Variants in SLC24A3 observed in about 807,000 individuals in gnomAD.
SLC24A3 encodes sodium/potassium/calcium exchanger 3.
In SLC24A3, 28 loss-of-function variants were observed where a neutral mutation model predicts 75.8. The ratio of observed to expected loss-of-function variants is 0.37; its 90% CI spans 0.27 to 0.51. The LOEUF (loss-of-function observed/expected upper bound fraction) is 0.51, where lower values mean the gene tolerates loss of function less well. SLC24A3 is among the 20% of genes least tolerant of loss of function. The pLI, the probability that SLC24A3 is intolerant of heterozygous loss-of-function variation, is 0.94. For synonymous variants in SLC24A3, 372 were observed against 334.1 expected, an observed-to-expected ratio of 1.11 and a Z score of -1.24; for missense variants, 663 against 847.8, an observed-to-expected ratio of 0.78 and a Z score of 2.71.
Position 19,281,037 on chromosome 20 carries a change from T to A in SLC24A3, c.221T>A (p.Leu74Gln). 2 of 1,614,160 alleles carry A rather than the reference T, an allele frequency of 1.2e-6. No individual in the cohort carries two copies. The highest frequency in any genetic ancestry group is 1.7e-6 in the Non-Finnish European group (2 of 1,180,014). ...AAGCTGATGCAGGTGAACGACACTC[T>A]GACTTCCGAAGATGCCGGACTCCGG... ...ARKLMQVNDTLTSEDAGLRNS... is the reference protein window; with the variant it reads ...ARKLMQVNDTQTSEDAGLRNS... The change falls in exon 2 of 17, where the codon CTG (leucine) becomes CAG (glutamine). Residue 74 changes from leucine (L) to glutamine (Q), a missense_variant. Physicochemically the swap from Leu to Gln is moderately radical, Grantham distance 113 (BLOSUM62 -2). Transcript: ENST00000328041.
chr20:19,503,621 T>C (rs1988418843), intron 2 of SLC24A3, among the ~76,000 whole-genome samples: 1 of 152,252 alleles, frequency 6.6e-6, no homozygotes, highest in Non-Finnish European at 1.5e-5. Flanking sequence ...ATCTGCATTT[T>C]CCCCTTAAGG....
chr20:19,594,056 G>A (rs1339118473), intron 6 of SLC24A3, among the ~76,000 whole-genome samples: 1 of 152,340 alleles, frequency 6.6e-6, no homozygotes, highest in Non-Finnish European at 1.5e-5. Flanking sequence ...CACCAAGTGA[G>A]GGGAGGCGAA....
chr20:19,600,106 A>C (rs903515022), intron 6 of SLC24A3, among the ~76,000 whole-genome samples: 5 of 152,176 alleles, frequency 3.3e-5, no homozygotes, highest in African/African-American at 1.2e-4. Flanking sequence ...CTCTTGGTAC[A>C]GAGTTGAGAA....
chr20:19,610,489 A>G (rs1208876346), intron 6 of SLC24A3, among the ~76,000 whole-genome samples: 1 of 152,230 alleles, frequency 6.6e-6, no homozygotes, highest in Non-Finnish European at 1.5e-5. Flanking sequence ...ATTGACAAGA[A>G]TCTAGGGATA....
intron 3 of SLC24A3, among the ~76,000 whole-genome samples, chr20:19,540,547 T>TC (rs2030477517): frequency 6.6e-6 from 1 of 152,058 alleles, no homozygotes; most frequent in Non-Finnish European, 1.5e-5. Context: ...TAACACCCAC[T>TC]CCCCTGCATC....
chr20:19,629,952 CAA>C (rs1204971194), intron 6 of SLC24A3, among the ~76,000 whole-genome samples: 1 of 152,056 alleles, frequency 6.6e-6, no homozygotes, highest in East Asian at 1.9e-4. Context: ...CAAAAGTATA[CAA>C]AAATATGAAG....
chr20:19,452,376 A>ATGTGTG (rs34840970), intron 2 of SLC24A3, among the ~76,000 whole-genome samples: 15,294 of 112,650 alleles, frequency 0.14, 1,364 homozygotes, highest in East Asian at 0.22. Context: ...CCTGTGGGGG[A>ATGTGTG]TGTGTGTGTG....
At chr20:19,266,248 AT>A (rs1049630122) in intron 1 of SLC24A3, among the ~76,000 whole-genome samples, 1 of 152,184 alleles carries the variant, frequency 6.6e-6, no homozygotes, top group Non-Finnish European at 1.5e-5. Flanking sequence ...TTGAAGGCAC[AT>A]TTCTTATTAC....
chr20:19,569,534 G>C (rs1434068580), intron 3 of SLC24A3, among the ~76,000 whole-genome samples: 1 of 152,064 alleles, frequency 6.6e-6, no homozygotes, highest in African/African-American at 2.4e-5. Context: ...ATTCTTCTCT[G>C]CCCTGCTCTG....
intron 6 of SLC24A3, among the ~76,000 whole-genome samples, chr20:19,650,816 C>A (rs1180898191): frequency 1.3e-5 from 2 of 152,064 alleles, no homozygotes; most frequent in African/African-American, 4.8e-5. Context: ...TTATAATTGT[C>A]TTTTTTATTG....
intron 2 of SLC24A3, among the ~76,000 whole-genome samples, chr20:19,510,292 A>T (rs367911274): frequency 1.3e-5 from 2 of 152,356 alleles, no homozygotes; most frequent in African/African-American, 4.8e-5. Context: ...GGGTCCTACC[A>T]TGCTAGATTC....
intron 6 of SLC24A3, among the ~76,000 whole-genome samples, chr20:19,637,298 C>T (rs1396131110): frequency 2.0e-5 from 3 of 152,192 alleles, no homozygotes; most frequent in Non-Finnish European, 2.9e-5. Context: ...AAGACTCTGT[C>T]TCAAAACACA....
chr20:19,477,378 G>A (rs1437959543), intron 2 of SLC24A3, among the ~76,000 whole-genome samples: 1 of 152,242 alleles, frequency 6.6e-6, no homozygotes, highest in East Asian at 1.9e-4. Context: ...CCAGGAGAAA[G>A]AGGCAGGTGT....
intron 3 of SLC24A3, among the ~76,000 whole-genome samples, chr20:19,520,609 G>A (rs1160505798): frequency 1.3e-5 from 2 of 152,190 alleles, no homozygotes; most frequent in Non-Finnish European, 2.9e-5. Flanking sequence ...TCAAGCCGGG[G>A]CTCCCTACAA....
intron 7 of SLC24A3, among the ~76,000 whole-genome samples, chr20:19,660,330 G>A (rs2424242): frequency 6.9e-6 from 1 of 145,844 alleles, no homozygotes; most frequent in South Asian, 2.3e-4. Flanking sequence ...ATGCCACCAC[G>A]CTGTATGCCT....
intron 4 of SLC24A3, 26 bp from the exon 5 acceptor site, chr20:19,584,945 T>G (rs2031274684): frequency 6.2e-7 from 1 of 1,601,192 alleles, no homozygotes; most frequent in East Asian, 2.2e-5. Context: ...CCAACTCACC[T>G]GTGCTTTGTC....
chr20:19,677,686 C>CTTTTTTTTTTTTTTTTTTTTTTTTTTTTT (rs796484728), intron 9 of SLC24A3, among the ~76,000 whole-genome samples: 1 of 113,934 alleles, frequency 8.8e-6, no homozygotes, highest in Admixed American at 9.2e-5. Context: ...TTTTTTTTTT[C>CTTTTTTTTTTTTTTTTTTTTTTTTTTTTT]TTTTTTTTTT....
chr20:19,304,931 TTATTTTTTTTCTTTC>T (rs1293304719), intron 2 of SLC24A3, among the ~76,000 whole-genome samples: 2 of 152,164 alleles, frequency 1.3e-5, no homozygotes, highest in Non-Finnish European at 2.9e-5. Context: ...ACCTGATGAG[TTATTTTTTTTCTTTC>T]CTTTTTGAAT....
At chr20:19,518,822 A>G (rs1271723734) in intron 3 of SLC24A3, among the ~76,000 whole-genome samples, 2 of 152,356 alleles carry the variant, frequency 1.3e-5, no homozygotes, top group East Asian at 3.9e-4. Flanking sequence ...AGAAGAGCCC[A>G]GGCAGGACAT....
Sources: allele counts gnomAD v4.1 joint callset (sites outside exome capture counted in the v4.1 genomes callset), GRCh38; gene constraint gnomAD v4.1.1; transcripts MANE v1.5; gene names NCBI Gene and HGNC (gene_info 2026-07-23, HGNC 2026-07-21).